DAB1: variants seen among roughly 807,000 people sequenced by gnomAD.
The protein encoded by DAB1 is disabled homolog 1.
Under a neutral mutation model 64.6 loss-of-function variants are expected in DAB1, and 15 were observed. The ratio of observed to expected loss-of-function variants is 0.23; its 90% confidence interval spans 0.16 to 0.36. DAB1 has a LOEUF of 0.36. Ranked by LOEUF, DAB1 falls within the 10% of genes least tolerant of loss-of-function variation. The pLI is 1.00. For missense variants in DAB1, 596 were observed against 706.7 expected (o/e 0.84, Z 1.78); for synonymous variants, 235 against 251.9 (o/e 0.93, Z 0.64).
At chr1:57,599,064 A>G (rs1362616811) in intron 7 of DAB1, among the ~76,000 whole-genome samples, 4 of 149,660 alleles carry the variant, frequency 2.7e-5, no homozygotes, top group Non-Finnish European at 4.4e-5. Flanking sequence ...CTAGCCTTCT[A>G]AATTCTACCA....
chr1:57,927,862 A>G (rs1041570115), intron 5 of DAB1, among the ~76,000 whole-genome samples: 3 of 152,222 alleles, frequency 2.0e-5, no homozygotes, highest in Admixed American at 1.3e-4. Flanking sequence ...GAATATTTTC[A>G]TGAACACCCA....
intron 4 of DAB1, among the ~76,000 whole-genome samples, chr1:58,317,183 T>C (rs114973105): frequency 2.9e-4 from 44 of 152,324 alleles, no homozygotes; most frequent in African/African-American, 1.0e-3. Flanking sequence ...GAAAATCCAA[T>C]TAGGTGTCTC....
intron 7 of DAB1, among the ~76,000 whole-genome samples, chr1:57,565,293 C>A (rs1012064724): frequency 6.6e-6 from 1 of 152,178 alleles, no homozygotes. Context: ...TGGAAAGGAA[C>A]AACAGGTACC....
At chr1:57,316,500 T>C (rs898429013) in intron 1 of DAB1, among the ~76,000 whole-genome samples, 2 of 151,992 alleles carry the variant, frequency 1.3e-5, no homozygotes, top group African/African-American at 4.8e-5. Context: ...GCAGCATCTG[T>C]CTCCTTGGCA....
chr1:58,240,807 G>C (rs1414363830), intron 4 of DAB1, among the ~76,000 whole-genome samples: 1 of 152,120 alleles, frequency 6.6e-6, no homozygotes, highest in African/African-American at 2.4e-5. Context: ...AATAAGCATG[G>C]TCCCTGGTAT....
At chr1:58,000,270 G>A (rs1464130489) in intron 5 of DAB1, among the ~76,000 whole-genome samples, 1 of 152,186 alleles carries the variant, frequency 6.6e-6, no homozygotes, top group Middle Eastern at 3.2e-3. Flanking sequence ...AAGTAATGTG[G>A]CATTTCAAAA....
intron 2 of DAB1, among the ~76,000 whole-genome samples, chr1:58,526,906 T>C (rs1237391092): frequency 8.5e-5 from 13 of 152,086 alleles, no homozygotes; most frequent in Admixed American, 6.5e-4. Context: ...TAACCAAATG[T>C]TTTAAAATTT....
At chr1:57,391,194 T>A (rs1682323370) in intron 1 of DAB1, among the ~76,000 whole-genome samples, 1 of 152,150 alleles carries the variant, frequency 6.6e-6, no homozygotes, top group Non-Finnish European at 1.5e-5. Flanking sequence ...AAGCATTTAA[T>A]AACCCAGTAG....
At chr1:58,388,983 T>C (rs1266687405) in intron 3 of DAB1, among the ~76,000 whole-genome samples, 2 of 152,156 alleles carry the variant, frequency 1.3e-5, no homozygotes, top group Non-Finnish European at 2.9e-5. Context: ...GAAAAAGACA[T>C]GGTGCACATG....
chr1:57,124,901 T>C (rs1656990776), intron 4 of DAB1, among the ~76,000 whole-genome samples: 1 of 152,120 alleles, frequency 6.6e-6, no homozygotes, highest in South Asian at 2.1e-4. Flanking sequence ...ATCACTGTCT[T>C]TTGTCCTCAG....
chr1:57,510,035 TAA>T (rs112566792), intron 7 of DAB1, among the ~76,000 whole-genome samples: 23 of 152,344 alleles, frequency 1.5e-4, no homozygotes, highest in African/African-American at 5.5e-4. Context: ...TACAGAAATG[TAA>T]AGAGACAAAC....
intron 5 of DAB1, among the ~76,000 whole-genome samples, chr1:58,086,292 T>C (rs1489343386): frequency 6.6e-6 from 1 of 152,166 alleles, no homozygotes; most frequent in Non-Finnish European, 1.5e-5. Flanking sequence ...CACCACCCAG[T>C]ATCAAATTCC....
intron 3 of DAB1, among the ~76,000 whole-genome samples, chr1:58,364,320 C>G (rs1007784947): frequency 3.9e-5 from 6 of 152,210 alleles, no homozygotes; most frequent in Admixed American, 6.5e-5. Flanking sequence ...AGGTAATGAG[C>G]TATTCCTGGG....
At chr1:57,553,410 G>GAAA (rs879761183) in intron 7 of DAB1, among the ~76,000 whole-genome samples, 1 of 85,650 alleles carries the variant, frequency 1.2e-5, no homozygotes, top group Non-Finnish European at 2.1e-5. Flanking sequence ...AAGAAAGAAA[G>GAAA]AAAGAAAGAA....
chr1:57,310,865 G>A (rs1030514428), intron 1 of DAB1, among the ~76,000 whole-genome samples: 11 of 152,170 alleles, frequency 7.2e-5, no homozygotes, highest in African/African-American at 2.2e-4. Flanking sequence ...GGGCATGGTC[G>A]CTTACTCCTG....
intron 1 of DAB1, among the ~76,000 whole-genome samples, chr1:57,342,813 G>A (rs1558202128): frequency 5.3e-5 from 8 of 149,704 alleles, no homozygotes. Context: ...AGGCGTGTCT[G>A]GAGTTGTTGG....
chr1:58,120,174 A>G (rs1475904681), intron 5 of DAB1, among the ~76,000 whole-genome samples: 2 of 151,844 alleles, frequency 1.3e-5, no homozygotes, highest in Admixed American at 6.6e-5. Context: ...AATAACTTAG[A>G]CTCTCTGAGT....
At chr1:57,784,557 T>G (rs959941439) in intron 6 of DAB1, among the ~76,000 whole-genome samples, 1 of 152,166 alleles carries the variant, frequency 6.6e-6, no homozygotes, top group African/African-American at 2.4e-5. Context: ...GAGAAAGTTT[T>G]GAGGGGTCTG....
rs1646142201 is a variant in DAB1, at chr1:57,984,196, GAAAGAAAGAAAGAAAGAA to G, written n.388-100052_388-100035del. ...GACTAGCTTAAAAAAAAGAAAGAAAGAAAGAAAGAAAGAAAGAAAGAAAGAAAGAAAGAAAGAAAGAAA... is the reference window on the plus strand; with the variant it reads ...GACTAGCTTAAAAAAAAGAAAGAAAGAGAAAGAAAGAAAGAAAGAAAGAAA... On this transcript the variant is annotated intron_variant and non_coding_transcript_variant, in intron 5 of 20. Coordinates refer to the DAB1 transcript ENST00000485760. 4.8e-5 allele frequency among the ~76,000 whole-genome samples: 3 copies of G among 62,142 alleles called. No individual in the cohort carries two copies. In the South Asian group the frequency reaches 1.4e-3, roughly 29 times the overall value. 40.8% of individuals were successfully genotyped at this position (62,142 alleles called of 152,430 possible).
Sources: gnomAD v4.1 joint callset for allele counts (sites outside exome capture counted in the v4.1 genomes callset) on GRCh38, gnomAD v4.1.1 for gene constraint, MANE v1.5 for transcripts, NCBI Gene and HGNC (gene_info 2026-07-23, HGNC 2026-07-21) for gene names.